EFNA5: variants seen among roughly 807,000 people sequenced by gnomAD.
EFNA5 encodes ephrin-A5.
Under a neutral mutation model 22.9 loss-of-function variants are expected in EFNA5, and 5 were observed. That is an observed-to-expected ratio of 0.22 (90% CI 0.11 to 0.46). The LOEUF is 0.46. Among genes scored for constraint, EFNA5 ranks in the 20% least tolerant of loss-of-function variants. The pLI is 0.99. For missense variants in EFNA5, 237 were observed against 293.3 expected (o/e 0.81, Z 1.40); for synonymous variants, 113 against 112.2 (o/e 1.01, Z -0.04).
intron 1 of EFNA5, among the ~76,000 whole-genome samples, chr5:107,544,367 C>T (rs771035077): frequency 7.4e-4 from 113 of 152,164 alleles, no homozygotes; most frequent in Non-Finnish European, 1.4e-3. Context: ...CACCTAGCAT[C>T]CATAGTGTCC....
At chr5:107,496,721 A>C (rs1305821912) in intron 1 of EFNA5, among the ~76,000 whole-genome samples, 4 of 152,224 alleles carry the variant, frequency 2.6e-5, no homozygotes, top group Admixed American at 6.5e-5. Context: ...TGCAACTTCC[A>C]TTAGTGGATG....
At chr5:107,665,885 T>C (rs1751055937) in intron 1 of EFNA5, among the ~76,000 whole-genome samples, 1 of 152,178 alleles carries the variant, frequency 6.6e-6, no homozygotes, top group Admixed American at 6.5e-5. Context: ...ACATGGGTTA[T>C]AAACCTCAAT....
chr5:107,400,765 G>T (rs1371362506), intron 2 of EFNA5, among the ~76,000 whole-genome samples: 1 of 152,204 alleles, frequency 6.6e-6, no homozygotes, highest in Non-Finnish European at 1.5e-5. Flanking sequence ...CCAGAAACTT[G>T]AGATCTTCAC....
intron 1 of EFNA5, among the ~76,000 whole-genome samples, chr5:107,558,314 C>G (rs1438056184): frequency 6.6e-6 from 1 of 150,860 alleles, no homozygotes; most frequent in Non-Finnish European, 1.5e-5. Flanking sequence ...CGCTTTTTTT[C>G]CTTTGCCTTT....
At chr5:107,613,577 T>C (rs775060050) in intron 1 of EFNA5, among the ~76,000 whole-genome samples, 3 of 152,144 alleles carry the variant, frequency 2.0e-5, no homozygotes, top group Non-Finnish European at 4.4e-5. Context: ...TTCAATTGAT[T>C]GATAGCTTTT....
intron 1 of EFNA5, among the ~76,000 whole-genome samples, chr5:107,548,833 C>A (rs1389271587): frequency 6.6e-6 from 1 of 152,184 alleles, no homozygotes; most frequent in East Asian, 1.9e-4. Context: ...CCAAGTTCAA[C>A]AGTGTAAAGT....
chr5:107,547,092 C>T (rs1748180455), intron 1 of EFNA5, among the ~76,000 whole-genome samples: 1 of 152,220 alleles, frequency 6.6e-6, no homozygotes, highest in Non-Finnish European at 1.5e-5. Context: ...CTGTTTCAAT[C>T]AAGCTGCAAA....
intron 1 of EFNA5, among the ~76,000 whole-genome samples, chr5:107,633,278 G>A (rs1026707056): frequency 1.3e-5 from 2 of 152,202 alleles, no homozygotes; most frequent in Admixed American, 6.5e-5. Flanking sequence ...AAGCCAGCCA[G>A]TTCTACTCAA....
chr5:107,615,885 A>G (rs1749902284), intron 1 of EFNA5, among the ~76,000 whole-genome samples: 1 of 152,212 alleles, frequency 6.6e-6, no homozygotes, highest in South Asian at 2.1e-4. Flanking sequence ...CACCTTGTTT[A>G]CATAAAATAA....
At chr5:107,662,971 T>C (rs1279094509) in intron 1 of EFNA5, among the ~76,000 whole-genome samples, 1 of 152,064 alleles carries the variant, frequency 6.6e-6, no homozygotes, top group Non-Finnish European at 1.5e-5. Context: ...CAGCCCAACA[T>C]TTAACATTAA....
chr5:107,543,625 T>C (rs998072070), intron 1 of EFNA5, among the ~76,000 whole-genome samples: 5 of 152,180 alleles, frequency 3.3e-5, no homozygotes, highest in Admixed American at 2.6e-4. Flanking sequence ...TTTCTGAAGT[T>C]ATCGTTTGGG....
intron 1 of EFNA5, among the ~76,000 whole-genome samples, chr5:107,622,443 C>A (rs1227597453): frequency 2.6e-5 from 4 of 152,144 alleles, no homozygotes; most frequent in Non-Finnish European, 5.9e-5. Flanking sequence ...AAATATGAAG[C>A]TATGGTTGAA....
intron 2 of EFNA5, among the ~76,000 whole-genome samples, chr5:107,416,912 A>G (rs1319296354): frequency 6.6e-6 from 1 of 152,242 alleles, no homozygotes; most frequent in East Asian, 1.9e-4. Flanking sequence ...AAACTGTTAA[A>G]GCAAAACATG....
chr5:107,508,820 A>C (rs1056253512), intron 1 of EFNA5, among the ~76,000 whole-genome samples: 4 of 152,234 alleles, frequency 2.6e-5, no homozygotes, highest in Admixed American at 1.3e-4. Flanking sequence ...TGTTTCAATA[A>C]TTAATAATTT....
intron 2 of EFNA5, 66 bp from the exon 3 acceptor site, chr5:107,387,837 TCAC>T: frequency 9.1e-7 from 1 of 1,100,800 alleles, no homozygotes; most frequent in Non-Finnish European, 1.3e-6. Flanking sequence ...CTCTTCATTT[TCAC>T]ATACAAATGA....
intron 1 of EFNA5, among the ~76,000 whole-genome samples, chr5:107,643,537 C>A (rs937466922): frequency 1.3e-5 from 2 of 152,128 alleles, no homozygotes. Flanking sequence ...CCCATGGTCC[C>A]AGCCTGAAAG....
intron 4 of EFNA5, among the ~76,000 whole-genome samples, chr5:107,383,484 T>A (rs891165843): frequency 6.6e-6 from 1 of 152,192 alleles, no homozygotes; most frequent in Non-Finnish European, 1.5e-5. Context: ...AGCACCAATA[T>A]GTTGTCAATC....
intron 1 of EFNA5, among the ~76,000 whole-genome samples, chr5:107,584,716 C>T (rs936175073): frequency 3.9e-5 from 6 of 152,170 alleles, no homozygotes; most frequent in African/African-American, 1.4e-4. Context: ...TTTATAGTTG[C>T]TCCTGCTTGC....
rs1358026585 is a variant in EFNA5, at chr5:107,644,865, C to T, written c.125+25624G>A. On this transcript the variant is annotated intron_variant, in intron 1 of 4. Coordinates refer to ENST00000333274, the MANE Select transcript of EFNA5 (RefSeq NM_001962.3). Reference sequence around the variant, plus strand: ...TACAGGCATGTGCCACAATACCTGGCTAATTTTGTATTTTTAGTAGAGATG... The same window carrying T: ...TACAGGCATGTGCCACAATACCTGGTTAATTTTGTATTTTTAGTAGAGATG... Among the ~76,000 whole-genome samples, 3 of 152,074 alleles carry T rather than the reference C, an allele frequency of 2.0e-5. No homozygotes were observed. In the East Asian group the frequency reaches 5.8e-4, roughly 29 times the overall value.
Sources: allele counts gnomAD v4.1 joint callset (sites outside exome capture counted in the v4.1 genomes callset), GRCh38; gene constraint gnomAD v4.1.1; transcripts MANE v1.5; gene names NCBI Gene and HGNC (gene_info 2026-07-23, HGNC 2026-07-21).